Variants in TENM1 observed in about 807,000 individuals in gnomAD.
TENM1 encodes the protein teneurin transmembrane protein 1.
A neutral mutation model predicts 174.8 loss-of-function variants in TENM1; 35 were observed. The ratio of observed to expected loss-of-function variants is 0.20; its 90% CI spans 0.15 to 0.27. The LOEUF (loss-of-function observed/expected upper bound fraction) is 0.27, where lower values mean the gene tolerates loss of function less well. Ranked by LOEUF, TENM1 falls within the 10% of genes least tolerant of loss-of-function variation. TENM1 has a pLI of 1.00. For synonymous variants in TENM1, 781 were observed against 798.7 expected (o/e 0.98, Z 0.37); for missense variants, 1,633 against 2,130.1 (o/e 0.77, Z 4.59).
intron 11 of TENM1, among the ~76,000 whole-genome samples, chrX:124,633,651 A>G (rs1479663112): frequency 9.0e-6 from 1 of 111,058 alleles, no homozygotes; most frequent in Non-Finnish European, 1.9e-5. Flanking sequence ...GAACTTTTGT[A>G]TAAAGATAAA....
chrX:125,076,614 T>TC, the TENM1 span, among the ~76,000 whole-genome samples: 1 of 111,493 alleles, frequency 9.0e-6, no homozygotes, highest in Non-Finnish European at 1.9e-5. Context: ...TGTTTTGCCA[T>TC]CTATAGCATA....
At chrX:124,680,321 G>A (rs989699397) in intron 5 of TENM1, among the ~76,000 whole-genome samples, 4 of 111,263 alleles carry the variant, frequency 3.6e-5, no homozygotes, top group Non-Finnish European at 1.9e-5. Flanking sequence ...GGATGGAAAA[G>A]ATCCTATCAG....
At chrX:124,938,594 T>C (rs1440956617) in intron 1 of TENM1, among the ~76,000 whole-genome samples, 3 of 112,205 alleles carry the variant, frequency 2.7e-5, no homozygotes, top group African/African-American at 9.7e-5. Context: ...GAATTGGCTC[T>C]GAAATGGGAA....
intron 11 of TENM1, among the ~76,000 whole-genome samples, chrX:124,607,599 T>C (rs866176466): frequency 1.1e-4 from 12 of 111,079 alleles, no homozygotes; most frequent in Middle Eastern, 4.6e-3. Flanking sequence ...GTGAGAGAGG[T>C]CACAGAGGTG....
the TENM1 span, among the ~76,000 whole-genome samples, chrX:125,055,694 G>A: frequency 0.026 from 2,854 of 111,725 alleles, 91 homozygotes; most frequent in African/African-American, 0.086. Flanking sequence ...GACCAGTGCC[G>A]AGGAGCATGG....
chrX:125,146,784 T>A, the TENM1 span, among the ~76,000 whole-genome samples: 7 of 111,330 alleles, frequency 6.3e-5, 1 homozygote, highest in East Asian at 2.0e-3. Context: ...CCCCAAAACA[T>A]GCTGTAATAA....
At chrX:124,435,222 C>T (rs2060824826) in intron 23 of TENM1, among the ~76,000 whole-genome samples, 1 of 111,514 alleles carries the variant, frequency 9.0e-6, no homozygotes, top group African/African-American at 3.3e-5. Context: ...ATAAAGAAGC[C>T]CCTGAAATCA....
chrX:125,049,864 T>A, the TENM1 span, among the ~76,000 whole-genome samples: 1 of 110,712 alleles, frequency 9.0e-6, no homozygotes, highest in African/African-American at 3.3e-5. Flanking sequence ...TTGCCTCATT[T>A]CTTTTTTCAT....
chrX:125,182,454 G>C, the TENM1 span, among the ~76,000 whole-genome samples: 45 of 45,692 alleles, frequency 9.8e-4, no homozygotes, highest in Non-Finnish European at 1.4e-3. Flanking sequence ...TTCGGCGGGC[G>C]GGGGGGGGGG....
intron 14 of TENM1, among the ~76,000 whole-genome samples, chrX:124,554,110 C>T (rs760464331): frequency 1.6e-3 from 173 of 110,553 alleles, no homozygotes; most frequent in Non-Finnish European, 2.4e-3. Context: ...CTCCATCCTC[C>T]CCCCCAAAAA....
At chrX:125,078,194 A>G in the TENM1 span, among the ~76,000 whole-genome samples, 1 of 111,892 alleles carries the variant, frequency 8.9e-6, no homozygotes, top group Non-Finnish European at 1.9e-5. Flanking sequence ...GAAGCTTTAG[A>G]TTTAGATTCA....
the TENM1 span, among the ~76,000 whole-genome samples, chrX:125,002,273 G>A: frequency 2.7e-5 from 3 of 111,360 alleles, no homozygotes; most frequent in Non-Finnish European, 5.7e-5. Context: ...CTGGTCTTTC[G>A]CTATGATTGT....
chrX:124,582,335 T>C (rs139522468), intron 11 of TENM1, among the ~76,000 whole-genome samples: 1,265 of 112,279 alleles, frequency 0.011, 21 homozygotes, highest in African/African-American at 0.038. Flanking sequence ...CCTTGTTCAA[T>C]TGAATCAATG....
At chrX:124,880,584 G>A (rs1044051709) in intron 3 of TENM1, among the ~76,000 whole-genome samples, 1 of 111,798 alleles carries the variant, frequency 8.9e-6, no homozygotes, top group Non-Finnish European at 1.9e-5. Flanking sequence ...GTGAAACTGG[G>A]TATCTTTGTC....
intron 17 of TENM1, among the ~76,000 whole-genome samples, chrX:124,521,745 C>T: frequency 8.9e-6 from 1 of 112,321 alleles, no homozygotes; most frequent in African/African-American, 3.2e-5. Context: ...TTCATTTTTA[C>T]CTCAGAACCT....
intron 25 of TENM1, among the ~76,000 whole-genome samples, chrX:124,419,950 CT>C (rs1231085362): frequency 8.9e-6 from 1 of 112,140 alleles, no homozygotes. Context: ...CACACTGCTT[CT>C]TTGCTGCTTT....
chrX:124,897,330 A>G (rs1314475720), intron 1 of TENM1, among the ~76,000 whole-genome samples: 1 of 111,849 alleles, frequency 8.9e-6, no homozygotes, highest in Non-Finnish European at 1.9e-5. Context: ...GTAGTACACC[A>G]TACAGGATTT....
chrX:124,574,393 G>T (rs1160250038), intron 11 of TENM1, among the ~76,000 whole-genome samples: 1 of 111,409 alleles, frequency 9.0e-6, no homozygotes, highest in Non-Finnish European at 1.9e-5. Flanking sequence ...CACCCCAAAA[G>T]ATTAAATCTG....
Position 124,641,924 on chromosome X carries a change from A to T in TENM1, c.1944T>A (p.Thr648=), listed in dbSNP as rs1273586245. 8.3e-7 allele frequency: 1 copy of T among 1,209,679 alleles called. No homozygotes were observed. The highest frequency in any genetic ancestry group is 1.1e-6 in the Non-Finnish European group (1 of 894,935). The change falls in exon 11 of 32, where the codon ACT becomes ACA. Residue 648 remains threonine (T), a synonymous_variant. Transcript: ENST00000422452. ...TTTCACAGTTAACTCCTCCCCAGCCAGTAGAACAGTGACATTCTCCTTTTA... is the reference window on the plus strand; with the variant it reads ...TTTCACAGTTAACTCCTCCCCAGCCTGTAGAACAGTGACATTCTCCTTTTA...
Sources: allele counts gnomAD v4.1 joint callset (sites outside exome capture counted in the v4.1 genomes callset), GRCh38; gene constraint gnomAD v4.1.1; transcripts MANE v1.5; gene names NCBI Gene and HGNC (gene_info 2026-07-23, HGNC 2026-07-21).